Variants in SLC8A1 observed in about 807,000 individuals in gnomAD.
SLC8A1 encodes sodium/calcium exchanger 1.
SLC8A1 carries 18 observed loss-of-function variants against 68.3 expected under a neutral mutation model. The observed-to-expected ratio is 0.26, with a 90% CI of 0.18 to 0.39. SLC8A1 has a LOEUF of 0.39. SLC8A1 is among the 10% of genes least tolerant of loss of function. The pLI is 1.00. For missense variants in SLC8A1, 985 were observed against 1,156.7 expected (o/e 0.85, Z 2.15); for synonymous variants, 475 against 415.5 (o/e 1.14, Z -1.74).
exon 2 of SLC8A1, chr2:40,429,073 T>C (rs935954874): frequency 8.1e-6 from 13 of 1,612,172 alleles, no homozygotes; most frequent in Non-Finnish European, 4.2e-6. Context: ...AACAGGGTCA[T>C]TTTCAGTCAC....
At chr2:40,470,488 TA>T (rs1339385155) in intron 1 of SLC8A1, among the ~76,000 whole-genome samples, 1 of 151,980 alleles carries the variant, frequency 6.6e-6, no homozygotes, top group African/African-American at 2.4e-5. Flanking sequence ...GGAAACCCAT[TA>T]AAAATGGGAT....
intron 7 of SLC8A1, among the ~76,000 whole-genome samples, chr2:40,123,705 C>T (rs1248702354): frequency 7.2e-5 from 11 of 152,104 alleles, no homozygotes; most frequent in Non-Finnish European, 1.5e-4. Context: ...TTTAATAATG[C>T]AAAGTCCGTG....
chr2:40,133,096 T>G (rs1033832592), intron 7 of SLC8A1, among the ~76,000 whole-genome samples: 54 of 152,290 alleles, frequency 3.5e-4, no homozygotes, highest in African/African-American at 1.2e-3. Context: ...CCATGTATCA[T>G]TAGGCTGATT....
chr2:40,359,880 C>T (rs1317344582), intron 2 of SLC8A1, among the ~76,000 whole-genome samples: 1 of 150,774 alleles, frequency 6.6e-6, no homozygotes, highest in Non-Finnish European at 1.5e-5. Flanking sequence ...ATCAACATCT[C>T]ATCAAAAATA....
chr2:40,375,529 A>C (rs1487549772), intron 2 of SLC8A1, among the ~76,000 whole-genome samples: 1 of 152,148 alleles, frequency 6.6e-6, no homozygotes, highest in African/African-American at 2.4e-5. Flanking sequence ...AAATACCATA[A>C]AGTCCTCATT....
At chr2:40,482,902 C>T (rs1461646337) in intron 1 of SLC8A1, among the ~76,000 whole-genome samples, 55 of 150,944 alleles carry the variant, frequency 3.6e-4, no homozygotes, top group African/African-American at 1.2e-3. Context: ...GCCATTCTCC[C>T]GCCTCAGCCT....
intron 1 of SLC8A1, among the ~76,000 whole-genome samples, chr2:40,467,346 C>T (rs4952415): frequency 0.089 from 13,497 of 152,076 alleles, 1,004 homozygotes; most frequent in East Asian, 0.34. Context: ...GAGCATCTCA[C>T]AGGGAAATGA....
chr2:40,434,261 A>T (rs1698967654), intron 1 of SLC8A1, among the ~76,000 whole-genome samples: 1 of 152,244 alleles, frequency 6.6e-6, no homozygotes, highest in Non-Finnish European at 1.5e-5. Context: ...GAGCAGTATT[A>T]TAATTTGTGA....
At position 40,115,180 on chromosome 2, in the gene SLC8A1, T is replaced by G. The variant is rs550020233; in HGVS notation, c.*73A>C. On this transcript the variant is annotated 3_prime_UTR_variant, in exon 8 of 8. Coordinates refer to ENST00000406785, the Ensembl canonical transcript of SLC8A1. Reference sequence around the variant, plus strand: ...TAAGTGAACATGACAAATGTCAGTTTCCTCTGTCCATTATACATAATTTTT... The same window carrying G: ...TAAGTGAACATGACAAATGTCAGTTGCCTCTGTCCATTATACATAATTTTT... 1.0e-4 allele frequency: 111 copies of G among 1,078,662 alleles called. No individual in the cohort carries two copies. The African/African-American group carries it at 1.6e-3, about 15-fold the overall frequency. 66.8% of individuals were successfully genotyped at this position (1,078,662 alleles called of 1,614,324 possible). A position where few individuals can be genotyped will look rare whatever the true frequency, so the allele number is the denominator to read the frequency against.
chr2:40,501,687 T>C (rs1706068728), intron 1 of SLC8A1, among the ~76,000 whole-genome samples: 1 of 152,114 alleles, frequency 6.6e-6, no homozygotes, highest in South Asian at 2.1e-4. Context: ...CTTCAATGTG[T>C]GGATGGACAT....
At chr2:40,340,339 T>A (rs910666406) in intron 2 of SLC8A1, among the ~76,000 whole-genome samples, 2 of 152,132 alleles carry the variant, frequency 1.3e-5, no homozygotes, top group Non-Finnish European at 2.9e-5. Flanking sequence ...GGCAGGTGGA[T>A]CACTTGAGGT....
intron 1 of SLC8A1, among the ~76,000 whole-genome samples, chr2:40,485,283 C>T (rs1327733757): frequency 1.3e-5 from 2 of 152,142 alleles, no homozygotes; most frequent in African/African-American, 2.4e-5. Context: ...ATTGGAACTA[C>T]ATCAATGTCT....
intron 2 of SLC8A1, among the ~76,000 whole-genome samples, chr2:40,387,794 G>A (rs117035266): frequency 2.0e-5 from 3 of 151,782 alleles, no homozygotes; most frequent in South Asian, 2.1e-4. Flanking sequence ...AAAAATTAGC[G>A]GGTGTGGTGG....
rs1172909749 is a variant in SLC8A1 at position 40,361,887 on chromosome 2, CTTTTTTTTTTTT to C, written c.1808+66574_1808+66585del. Among the ~76,000 whole-genome samples, 179 of 53,132 alleles carry C rather than the reference CTTTTTTTTTTTT, an allele frequency of 3.4e-3. 2 individuals carry two copies. Among genetic ancestry groups the C allele is most frequent in the Middle Eastern group, 0.016 (1 of 64 alleles). The allele number at this position is 53,132 out of a possible 152,430, so 34.9% of individuals were successfully genotyped here. ...GTCAGATGTTTATATCTTTTCTTTC[CTTTTTTTTTTTT>C]TTTTTTTTTTTTTTTTTTGGAGACA... On this transcript the variant is annotated intron_variant, in intron 2 of 7. Coordinates refer to ENST00000406785, the Ensembl canonical transcript of SLC8A1.
intron 2 of SLC8A1, among the ~76,000 whole-genome samples, chr2:40,306,550 T>C (rs1206519052): frequency 6.6e-6 from 1 of 152,120 alleles, no homozygotes; most frequent in Non-Finnish European, 1.5e-5. Context: ...GAATCCAAAA[T>C]AGGCCAATGG....
At chr2:40,376,736 C>G (rs1680009527) in intron 2 of SLC8A1, among the ~76,000 whole-genome samples, 1 of 152,090 alleles carries the variant, frequency 6.6e-6, no homozygotes, top group Non-Finnish European at 1.5e-5. Flanking sequence ...ACTCTGTGTA[C>G]TAACTGCCTC....
intron 2 of SLC8A1, among the ~76,000 whole-genome samples, chr2:40,247,029 T>C (rs2061970574): frequency 6.6e-6 from 1 of 152,158 alleles, no homozygotes; most frequent in Non-Finnish European, 1.5e-5. Flanking sequence ...GAGTGAGAAA[T>C]AGCCATTTTA....
intron 7 of SLC8A1, among the ~76,000 whole-genome samples, chr2:40,132,203 G>A (rs1327552715): frequency 6.6e-6 from 1 of 152,018 alleles, no homozygotes; most frequent in Non-Finnish European, 1.5e-5. Context: ...TTAAAAATAA[G>A]TCCAAGATGG....
intron 1 of SLC8A1, among the ~76,000 whole-genome samples, chr2:40,508,788 G>A (rs1706523883): frequency 6.6e-6 from 1 of 152,086 alleles, no homozygotes. Context: ...CTCCTCTTCT[G>A]AAATAAATTA....
Sources: allele counts gnomAD v4.1 joint callset (sites outside exome capture counted in the v4.1 genomes callset), GRCh38; gene constraint gnomAD v4.1.1; transcripts MANE v1.5; gene names NCBI Gene and HGNC (gene_info 2026-07-23, HGNC 2026-07-21).